Variants in SLC25A30 observed in about 807,000 individuals in gnomAD.
SLC25A30 encodes kidney mitochondrial carrier protein 1.
In SLC25A30, 29 loss-of-function variants were observed where a neutral mutation model predicts 42.7. The observed-to-expected ratio is 0.68, with a 90% confidence interval of 0.51 to 0.93. SLC25A30 has a LOEUF of 0.93. Ranked by LOEUF, SLC25A30 falls within the 40% of genes least tolerant of loss-of-function variation. The pLI is 0.00. For synonymous variants in SLC25A30, 124 were observed against 131.0 expected (o/e 0.95, Z 0.37); for missense variants, 300 against 359.7 (o/e 0.83, Z 1.34).
At chr13:45,426,682 G>A in the SLC25A30 span, among the ~76,000 whole-genome samples, 1 of 152,122 alleles carries the variant, frequency 6.6e-6, no homozygotes, top group South Asian at 2.1e-4. Flanking sequence ...CCTTCAGGAA[G>A]ACCTCCTGAC....
At position 45,411,383 on chromosome 13, in the gene SLC25A30, C is replaced by A; in HGVS notation, c.43G>T (p.Ala15Ser). 2 of 1,614,052 alleles carry A rather than the reference C, an allele frequency of 1.2e-6. No homozygotes were observed. Among genetic ancestry groups the A allele is most frequent in the South Asian group, 1.1e-5 (1 of 91,084 alleles). Residue 15 changes from alanine to serine, a missense_variant, in exon 2 of 10, where the codon GCC (alanine) becomes TCC (serine). Physicochemically the swap from Ala to Ser is moderately conservative, Grantham distance 99. Coordinates refer to ENST00000519676, the MANE Select transcript of SLC25A30 (RefSeq NM_001010875.4). Reference protein sequence around the residue: ...NWKPFVYGGLASITAECGTFP... With the variant: ...NWKPFVYGGLSSITAECGTFP... ...TTACCGCACTCAGCAGTGATGGAGGCCAGCCCCCCGTACACAAACGGCTTC... is the reference window on the plus strand; with the variant it reads ...TTACCGCACTCAGCAGTGATGGAGGACAGCCCCCCGTACACAAACGGCTTC...
chr13:45,411,467 C>CA lies in SLC25A30; in HGVS notation c.-43dup. ...CTTTGATTTATAGAAACATTGCCTCCAGTGCTGTTTTTCCTGGACACAACA... is the reference window on the plus strand; with the variant it reads ...CTTTGATTTATAGAAACATTGCCTCCAAGTGCTGTTTTTCCTGGACACAACA... On this transcript the variant is annotated 5_prime_UTR_variant, in exon 2 of 10. Coordinates refer to ENST00000519676, the MANE Select transcript of SLC25A30 (RefSeq NM_001010875.4). The CA allele has an allele frequency of 6.2e-7, 1 of 1,606,026 alleles. No homozygotes were observed. Among genetic ancestry groups the CA allele is most frequent in the Non-Finnish European group, 8.5e-7 (1 of 1,173,232 alleles).
chr13:45,421,802 G>C (rs1054066714), upstream of SLC25A30, among the ~76,000 whole-genome samples: 1 of 152,176 alleles, frequency 6.6e-6, no homozygotes, highest in Non-Finnish European at 1.5e-5. Context: ...TGGCTCCCCA[G>C]TGTCCTCAAG....
chr13:45,400,033 T>TATAC lies in SLC25A30; in HGVS notation c.615-956_615-955insGTAT, dbSNP rs571184813. 9.2e-3 allele frequency among the ~76,000 whole-genome samples: 1,132 copies of TATAC among 122,970 alleles called. 12 individuals are homozygous for TATAC. Among genetic ancestry groups the TATAC allele is most frequent in the East Asian group, 0.027 (118 of 4,340 alleles). The allele number at this position is 122,970 out of a possible 152,430, so 80.7% of individuals were successfully genotyped here. On this transcript the variant is annotated intron_variant, in intron 7 of 9. Coordinates refer to ENST00000519676, the MANE Select transcript of SLC25A30 (RefSeq NM_001010875.4). ...GTATGATTATATATATATATATATA[T>TATAC]ACACACACACACACACACACACACA...
Position 45,399,096 on chromosome 13 carries a change from G to GAA in SLC25A30, c.615-20_615-19dup, listed in dbSNP as rs11330086. 7.1e-4 allele frequency: 920 copies of GAA among 1,295,886 alleles called. No homozygotes were observed. The highest frequency in any genetic ancestry group is 2.3e-3 in the South Asian group (154 of 66,780). The allele number at this position is 1,295,886 out of a possible 1,614,324, so 80.3% of individuals were successfully genotyped here. On this transcript the variant is annotated intron_variant, in intron 7 of 9. Coordinates refer to ENST00000519676, the MANE Select transcript of SLC25A30 (RefSeq NM_001010875.4). ...AGCTTGAGCTATAAAGACACCATTGGAAAAAAAAAAAAAAGTTAACCATCA... is the reference window on the plus strand; with the variant it reads ...AGCTTGAGCTATAAAGACACCATTGGAAAAAAAAAAAAAAAAGTTAACCATCA...
chr13:45,423,590 AATAT>A, the SLC25A30 span, among the ~76,000 whole-genome samples: 89 of 49,798 alleles, frequency 1.8e-3, 18 homozygotes, highest in Non-Finnish European at 2.7e-3. Context: ...AATATATATA[AATAT>A]ATATATATAT....
At chr13:45,432,075 G>T in the SLC25A30 span, among the ~76,000 whole-genome samples, 580 of 152,034 alleles carry the variant, frequency 3.8e-3, 4 homozygotes, top group African/African-American at 0.013. Context: ...TATGACACCA[G>T]CATGGCTAAC....
chr13:45,404,880 G>A (rs1395773387), intron 4 of SLC25A30, among the ~76,000 whole-genome samples: 1 of 152,180 alleles, frequency 6.6e-6, no homozygotes, highest in Non-Finnish European at 1.5e-5. Flanking sequence ...TTTCACTAAT[G>A]AAGGAATTTT....
In SLC25A30 at chr13:45,394,445, G is replaced by GA; in HGVS notation, c.*1528dup. On this transcript the variant is annotated 3_prime_UTR_variant, in exon 10 of 10. Coordinates refer to ENST00000519676, the MANE Select transcript of SLC25A30 (RefSeq NM_001010875.4). Reference sequence around the variant, plus strand: ...TCAACAAAGAGACTGGCCAGACTGGGAATTTGGCCGCACTACTGTGGAAGG... The same window carrying GA: ...TCAACAAAGAGACTGGCCAGACTGGGAAATTTGGCCGCACTACTGTGGAAGG... The GA allele has an allele frequency of 1.0e-6, 1 of 985,374 alleles. No individual in the cohort carries two copies. The highest frequency in any genetic ancestry group is 1.2e-6 in the Non-Finnish European group (1 of 829,926). 61.0% of individuals were successfully genotyped at this position (985,374 alleles called of 1,614,324 possible).
In SLC25A30 at chr13:45,400,053, C is replaced by T. The variant is rs1453706281; in HGVS notation, c.615-975G>A. ...ATATATACACACACACACACACACA[C>T]ACACACACACACATATGAATGATAA... On this transcript the variant is annotated intron_variant, in intron 7 of 9. Transcript: ENST00000519676. Among the ~76,000 whole-genome samples the T allele has an allele frequency of 1.2e-3, 160 of 136,662 alleles. No individual in the cohort carries two copies. In the South Asian group the frequency reaches 0.016, roughly 14 times the overall value. 89.7% of individuals were successfully genotyped at this position (136,662 alleles called of 152,430 possible). A position where few individuals can be genotyped will look rare whatever the true frequency, so the allele number is the denominator to read the frequency against.
intron 3 of SLC25A30, among the ~76,000 whole-genome samples, chr13:45,407,482 C>A (rs1213855033): frequency 6.6e-6 from 1 of 152,032 alleles, no homozygotes; most frequent in Non-Finnish European, 1.5e-5. Context: ...ATCACTTGAG[C>A]CTGGGAGGTA....
chr13:45,431,160 G>C, the SLC25A30 span, among the ~76,000 whole-genome samples: 1 of 152,152 alleles, frequency 6.6e-6, no homozygotes, highest in East Asian at 1.9e-4. Flanking sequence ...CGATTCTCCT[G>C]CCTCAGCCTC....
intron 7 of SLC25A30, among the ~76,000 whole-genome samples, chr13:45,400,014 T>TTATATATATATATATATATATATATA (rs1322955547): frequency 2.3e-5 from 2 of 88,796 alleles, no homozygotes; most frequent in Non-Finnish European, 4.6e-5. Flanking sequence ...TTATGTATGA[T>TTATATATATATATATATATATATATA]TATATATATA....
At chr13:45,411,301 A>C in intron 2 of SLC25A30, 61 bp downstream of exon 2, 1 of 1,201,924 alleles carries the variant, frequency 8.3e-7, no homozygotes, top group Non-Finnish European at 1.2e-6. Flanking sequence ...CTTGAACTAC[A>C]TTCACATCAA....
At chr13:45,398,867 C>A (rs773111372) in intron 8 of SLC25A30, 73 bp downstream of exon 8, 2 of 1,525,932 alleles carry the variant, frequency 1.3e-6, no homozygotes, top group South Asian at 2.4e-5. Flanking sequence ...TAGTAGCTTT[C>A]ATAATTTAGT....
Position 45,393,433 on chromosome 13 carries a change from C to T in SLC25A30, c.*2541G>A. On this transcript the variant is annotated 3_prime_UTR_variant, in exon 10 of 10. Coordinates refer to ENST00000519676, the MANE Select transcript of SLC25A30 (RefSeq NM_001010875.4). ...TATAAAGGCTTATGAAAACTTCATACTCTTTATATAATGCATACTATTTCT... is the reference window on the plus strand; with the variant it reads ...TATAAAGGCTTATGAAAACTTCATATTCTTTATATAATGCATACTATTTCT... 6 of 983,414 alleles carry T rather than the reference C, an allele frequency of 6.1e-6. No homozygotes were observed. The highest frequency in any genetic ancestry group is 5.2e-4 in the Middle Eastern group (1 of 1,908). 60.9% of individuals were successfully genotyped at this position (983,414 alleles called of 1,614,324 possible).
chr13:45,427,236 C>G, the SLC25A30 span, among the ~76,000 whole-genome samples: 1 of 152,154 alleles, frequency 6.6e-6, no homozygotes, highest in African/African-American at 2.4e-5. Flanking sequence ...ATCTTCCTGT[C>G]TCTCAATCCT....
intron 2 of SLC25A30, among the ~76,000 whole-genome samples, chr13:45,410,866 C>T (rs1395019851): frequency 6.6e-6 from 1 of 152,192 alleles, no homozygotes. Flanking sequence ...ACTTTCTCTC[C>T]ACTAAACTTC....
intron 7 of SLC25A30, 134 bp downstream of exon 7, chr13:45,400,949 G>A (rs1036083159): frequency 1.5e-6 from 1 of 688,884 alleles, no homozygotes; most frequent in Non-Finnish European, 2.3e-6. Flanking sequence ...AGCTGCCTAT[G>A]TAGAGGAATA....
Sources: gnomAD v4.1 joint callset for allele counts (sites outside exome capture counted in the v4.1 genomes callset) on GRCh38, gnomAD v4.1.1 for gene constraint, MANE v1.5 for transcripts, NCBI Gene and HGNC (gene_info 2026-07-23, HGNC 2026-07-21) for gene names.